The following PDE11A variants were observed in gnomAD, a reference collection of about 807,000 sequenced individuals.
PDE11A encodes the protein phosphodiesterase 11A, also known as dual 3',5'-cyclic-AMP and -GMP phosphodiesterase 11A.
In PDE11A, 100 loss-of-function variants were observed where a neutral mutation model predicts 100.5. That is an observed-to-expected ratio of 1.00 (90% CI 0.85 to 1.18). The LOEUF is 1.18. PDE11A is among the 50% of genes most tolerant of loss of function. The pLI, the probability that PDE11A is intolerant of heterozygous loss-of-function variation, is 0.00. For missense variants in PDE11A, 1,141 were observed against 1,152.6 expected (o/e 0.99, Z 0.15); for synonymous variants, 381 against 420.8 (o/e 0.91, Z 1.16).
intron 5 of PDE11A, among the ~76,000 whole-genome samples, chr2:177,853,692 G>T (rs1169706870): frequency 3.0e-5 from 1 of 33,602 alleles, no homozygotes; most frequent in Non-Finnish European, 6.3e-5. Context: ...GTGTGTGTGT[G>T]TGTGTGTGTG....
chr2:177,823,769 A>AC, intron 6 of PDE11A, among the ~76,000 whole-genome samples: 1 of 152,322 alleles, frequency 6.6e-6, no homozygotes, highest in East Asian at 1.9e-4. Context: ...GGCTAGCCAC[A>AC]GCAGCACTAG....
chr2:178,052,116 C>A (rs1437355888), intron 1 of PDE11A, among the ~76,000 whole-genome samples: 7 of 151,890 alleles, frequency 4.6e-5, no homozygotes, highest in Non-Finnish European at 1.0e-4. Flanking sequence ...GTTGGAAGTA[C>A]AGCACTCCTC....
At chr2:177,846,095 A>G (rs534217240) in intron 5 of PDE11A, among the ~76,000 whole-genome samples, 1 of 152,160 alleles carries the variant, frequency 6.6e-6, no homozygotes, top group South Asian at 2.1e-4. Flanking sequence ...ATGGTCTACT[A>G]TAATGCAGAA....
intron 2 of PDE11A, among the ~76,000 whole-genome samples, chr2:178,085,172 GA>G (rs1211555642): frequency 2.0e-5 from 3 of 152,178 alleles, no homozygotes; most frequent in Non-Finnish European, 4.4e-5. Context: ...TCAACATACA[GA>G]AATTGGTACC....
At chr2:178,042,873 T>C (rs2086701863) in intron 1 of PDE11A, among the ~76,000 whole-genome samples, 1 of 152,198 alleles carries the variant, frequency 6.6e-6, no homozygotes, top group African/African-American at 2.4e-5. Context: ...AGGCATTGCT[T>C]ATTGCTGCAA....
At chr2:177,947,620 C>A (rs1280723043) in intron 2 of PDE11A, among the ~76,000 whole-genome samples, 1 of 151,746 alleles carries the variant, frequency 6.6e-6, no homozygotes, top group Admixed American at 6.6e-5. Flanking sequence ...ATCAGGGACA[C>A]AAACACTGCG....
At chr2:177,938,472 C>T (rs991134549) in intron 2 of PDE11A, among the ~76,000 whole-genome samples, 4 of 152,166 alleles carry the variant, frequency 2.6e-5, no homozygotes, top group Admixed American at 2.0e-4. Context: ...TGTCTTCTTT[C>T]TAATTAGTGA....
At chr2:177,629,652 G>A in intron 19 of PDE11A, 90 bp from the exon 20 acceptor site, 2 of 1,304,476 alleles carry the variant, frequency 1.5e-6, no homozygotes, top group Admixed American at 3.4e-5. Flanking sequence ...GAGGAGAATG[G>A]AAACTGGCTA....
At chr2:177,684,873 G>C (rs1293907940) in intron 15 of PDE11A, among the ~76,000 whole-genome samples, 1 of 152,206 alleles carries the variant, frequency 6.6e-6, no homozygotes, top group African/African-American at 2.4e-5. Context: ...AATAACAGCT[G>C]CCCCAAGCAG....
chr2:177,886,017 C>T (rs2084424381), intron 4 of PDE11A, among the ~76,000 whole-genome samples: 1 of 152,144 alleles, frequency 6.6e-6, no homozygotes, highest in Admixed American at 6.6e-5. Flanking sequence ...AAAACTAGGA[C>T]TTGAGACAGT....
intron 2 of PDE11A, among the ~76,000 whole-genome samples, chr2:177,952,557 T>G (rs1323203742): frequency 6.6e-6 from 1 of 152,216 alleles, no homozygotes; most frequent in African/African-American, 2.4e-5. Context: ...ACTCAGCAGT[T>G]TGGGTACTTT....
chr2:177,779,920 G>C (rs6752264), intron 9 of PDE11A, among the ~76,000 whole-genome samples: 50,449 of 152,070 alleles, frequency 0.33, 8,735 homozygotes, highest in African/African-American at 0.39. Context: ...GAATCACTAT[G>C]TATGGCAGCT....
At position 178,083,414 on chromosome 2, in the gene PDE11A, T is replaced by C. The variant is rs143695876; in HGVS notation, c.162+20888A>G. Among the ~76,000 whole-genome samples the C allele has an allele frequency of 3.0e-3, 461 of 152,284 alleles. 7 individuals are homozygous for C. The highest frequency in any genetic ancestry group is 6.2e-3 in the East Asian group (32 of 5,176). ...TCGCCCAGCCAGTAGAACTAAATAT[T>C]TGAAGGAGCACAAAAGTGTTAGGAA... On this transcript the variant is annotated intron_variant, in intron 2 of 20. Coordinates refer to the PDE11A transcript ENST00000358450.
At chr2:177,897,937 C>G (rs1293779326) in intron 4 of PDE11A, 121 bp downstream of exon 4, 1 of 816,254 alleles carries the variant, frequency 1.2e-6, no homozygotes, top group South Asian at 1.5e-5. Flanking sequence ...GAAAAGTTGC[C>G]CCATGGTTGA....
At chr2:177,668,757 ACCTT>A (rs538485073) in intron 18 of PDE11A, among the ~76,000 whole-genome samples, 7 of 152,170 alleles carry the variant, frequency 4.6e-5, no homozygotes, top group Non-Finnish European at 8.8e-5. Flanking sequence ...GACAATTGAT[ACCTT>A]CCTTGAGTAT....
intron 1 of PDE11A, among the ~76,000 whole-genome samples, chr2:178,042,326 A>T (rs2086693218): frequency 6.6e-6 from 1 of 152,110 alleles, no homozygotes; most frequent in Admixed American, 6.6e-5. Flanking sequence ...CAAAAGAAAA[A>T]GATTAGCCAG....
intron 2 of PDE11A, among the ~76,000 whole-genome samples, chr2:177,938,607 G>C (rs932599880): frequency 1.3e-5 from 2 of 152,122 alleles, no homozygotes; most frequent in Non-Finnish European, 2.9e-5. Context: ...AGATAGCCTA[G>C]ACCCACCATA....
At chr2:178,060,624 G>A (rs1294137238) in intron 1 of PDE11A, among the ~76,000 whole-genome samples, 1 of 152,142 alleles carries the variant, frequency 6.6e-6, no homozygotes, top group Non-Finnish European at 1.5e-5. Context: ...ATCGAATTCG[G>A]TCTGATTCTG....
At chr2:178,054,875 T>G (rs1162191973) in intron 1 of PDE11A, among the ~76,000 whole-genome samples, 10 of 152,120 alleles carry the variant, frequency 6.6e-5, no homozygotes, top group Non-Finnish European at 1.0e-4. Context: ...TGTGGAGAAA[T>G]AGGAACATTT....
Sources: gnomAD v4.1 joint callset for allele counts (sites outside exome capture counted in the v4.1 genomes callset) on GRCh38, gnomAD v4.1.1 for gene constraint, MANE v1.5 for transcripts, NCBI Gene and HGNC (gene_info 2026-07-23, HGNC 2026-07-21) for gene names.